The following SLC60A1 variants were observed in gnomAD, a reference collection of about 807,000 sequenced individuals.
SLC60A1 encodes solute carrier family 60 member 1.
At chr1:205,585,023 G>C in the SLC60A1 span, 1 of 1,581,940 alleles carries the variant, frequency 6.3e-7, no homozygotes, top group South Asian at 1.1e-5. The surrounding 1 kb of genome is among the most constrained non-coding windows in gnomAD (Gnocchi z 4.2). Context: ...CCCCCTACTG[G>C]GGGACCCTTC....
the SLC60A1 span, among the ~76,000 whole-genome samples, chr1:205,584,698 C>T: frequency 6.6e-6 from 1 of 152,100 alleles, no homozygotes. Context: ...TGAGCCTTGG[C>T]TCCACCAAGA....
chr1:205,588,178 G>A, the SLC60A1 span, among the ~76,000 whole-genome samples: 1 of 152,032 alleles, frequency 6.6e-6, no homozygotes, highest in East Asian at 1.9e-4. Context: ...TTTGAAAATA[G>A]GATCATGAAA....
the SLC60A1 span, among the ~76,000 whole-genome samples, chr1:205,597,050 C>A: frequency 1.3e-5 from 2 of 152,238 alleles, no homozygotes; most frequent in Non-Finnish European, 1.5e-5. Context: ...CTCATCAGGG[C>A]GTGTGGCTGG....
chr1:205,573,181 C>G, the SLC60A1 span, among the ~76,000 whole-genome samples: 4 of 152,014 alleles, frequency 2.6e-5, no homozygotes, highest in African/African-American at 9.7e-5. Flanking sequence ...GAGGCTGAGG[C>G]GGGTAGATCA....
At chr1:205,587,833 G>A in the SLC60A1 span, among the ~76,000 whole-genome samples, 1 of 152,174 alleles carries the variant, frequency 6.6e-6, no homozygotes, top group Non-Finnish European at 1.5e-5. Context: ...CAGACATGGG[G>A]CCAGCCCTGG....
At chr1:205,579,749 A>G in the SLC60A1 span, 2 of 1,614,084 alleles carry the variant, frequency 1.2e-6, no homozygotes, top group Non-Finnish European at 1.7e-6. Context: ...TCCCTCCTGC[A>G]GCCTGGCCCA....
chr1:205,569,686 G>A, the SLC60A1 span, among the ~76,000 whole-genome samples: 1 of 152,042 alleles, frequency 6.6e-6, no homozygotes, highest in Non-Finnish European at 1.5e-5. Flanking sequence ...AGCTCCTCTG[G>A]GGTTTGTCAG....
the SLC60A1 span, chr1:205,579,409 A>T: frequency 1.9e-6 from 1 of 522,590 alleles, no homozygotes. Flanking sequence ...GAGATGCTCA[A>T]AACAGGTTCC....
chr1:205,590,455 T>G, the SLC60A1 span, among the ~76,000 whole-genome samples: 842 of 152,366 alleles, frequency 5.5e-3, 12 homozygotes, highest in African/African-American at 0.019. Flanking sequence ...CTTCGGCCAC[T>G]GTTTTGTGGC....
At chr1:205,576,392 C>T in the SLC60A1 span, among the ~76,000 whole-genome samples, 1 of 152,210 alleles carries the variant, frequency 6.6e-6, no homozygotes, top group Non-Finnish European at 1.5e-5. Context: ...TGTCACATCA[C>T]ATGGACTCCT....
chr1:205,588,326 C>T, the SLC60A1 span, among the ~76,000 whole-genome samples: 4 of 151,882 alleles, frequency 2.6e-5, no homozygotes, highest in East Asian at 3.9e-4. Flanking sequence ...AAAAATTAGC[C>T]GGGCGTGGTG....
the SLC60A1 span, among the ~76,000 whole-genome samples, chr1:205,570,476 T>C: frequency 1.3e-5 from 2 of 152,208 alleles, no homozygotes; most frequent in Non-Finnish European, 2.9e-5. Flanking sequence ...CAGGTGTTCG[T>C]GAGGGCAGGT....
chr1:205,585,290 T>C, the SLC60A1 span, among the ~76,000 whole-genome samples: 1 of 152,200 alleles, frequency 6.6e-6, no homozygotes, highest in Admixed American at 6.5e-5. The surrounding 1 kb of genome is among the most constrained non-coding windows in gnomAD (Gnocchi z 4.2). Context: ...CTGCATTTTT[T>C]AAAGGGGTGG....
chr1:205,585,969 C>A, the SLC60A1 span: 7 of 1,499,264 alleles, frequency 4.7e-6, no homozygotes, highest in Admixed American at 4.6e-5. The surrounding 1 kb of genome is among the most constrained non-coding windows in gnomAD (Gnocchi z 4.2). Context: ...GCCTGGGCTC[C>A]CTTTGTGAGG....
chr1:205,600,787 A>G, the SLC60A1 span: 1 of 242,992 alleles, frequency 4.1e-6, no homozygotes, highest in South Asian at 1.1e-4. Context: ...TCTGGGTTTG[A>G]GATCATTCTT....
the SLC60A1 span, among the ~76,000 whole-genome samples, chr1:205,592,547 C>A: frequency 6.6e-6 from 1 of 151,964 alleles, no homozygotes; most frequent in Non-Finnish European, 1.5e-5. Context: ...CCCCACCCCA[C>A]AACTGTCCCA....
At chr1:205,576,365 A>G in the SLC60A1 span, among the ~76,000 whole-genome samples, 3 of 152,174 alleles carry the variant, frequency 2.0e-5, no homozygotes, top group Admixed American at 2.0e-4. Context: ...CCAGAGAGTG[A>G]GCAAAGGAGG....
At chr1:205,585,110 C>T in the SLC60A1 span, 1 of 774,378 alleles carries the variant, frequency 1.3e-6, no homozygotes, top group African/African-American at 1.7e-5. The surrounding 1 kb of genome is among the most constrained non-coding windows in gnomAD (Gnocchi z 4.2). Flanking sequence ...TCCTGGAGTA[C>T]ACTTGATTCA....
chr1:205,599,343 C>G, the SLC60A1 span: 5 of 1,474,632 alleles, frequency 3.4e-6, no homozygotes, highest in African/African-American at 7.0e-5. Context: ...TCTTAACGTG[C>G]CAGAAACGCT....
Sources: allele counts gnomAD v4.1 joint callset (sites outside exome capture counted in the v4.1 genomes callset), GRCh38; gene constraint gnomAD v4.1.1; non-coding constraint Gnocchi (gnomAD v3.1); transcripts MANE v1.5; gene names NCBI Gene and HGNC (gene_info 2026-07-23, HGNC 2026-07-21).